Variants in SERGEF observed in about 807,000 individuals in gnomAD.
SERGEF encodes secretion regulating guanine nucleotide exchange factor.
In SERGEF, 51 loss-of-function variants were observed where a neutral mutation model predicts 50.0. The ratio of observed to expected loss-of-function variants is 1.02; its 90% confidence interval spans 0.81 to 1.29. The LOEUF (loss-of-function observed/expected upper bound fraction) is 1.29. Among genes scored for constraint, SERGEF ranks in the 50% most tolerant of loss-of-function variants. The pLI is 0.00. For missense variants in SERGEF, 521 were observed against 557.0 expected, an observed-to-expected ratio of 0.94 and a Z score of 0.65; for synonymous variants, 205 against 212.4, an observed-to-expected ratio of 0.97 and a Z score of 0.30.
chr11:17,994,508 A>AC (rs1853793373), intron 6 of SERGEF, among the ~76,000 whole-genome samples: 1 of 151,264 alleles, frequency 6.6e-6, no homozygotes, highest in Non-Finnish European at 1.5e-5. Context: ...AATTCTTAGA[A>AC]TTTTTCCCAG....
chr11:17,833,524 C>T (rs780698197), intron 10 of SERGEF, among the ~76,000 whole-genome samples: 14 of 152,162 alleles, frequency 9.2e-5, no homozygotes, highest in African/African-American at 1.2e-4. Flanking sequence ...TGTGAGAAGA[C>T]GGCCACCATC....
chr11:17,985,711 G>A (rs1853580679), intron 8 of SERGEF, among the ~76,000 whole-genome samples: 2 of 152,182 alleles, frequency 1.3e-5, no homozygotes, highest in Admixed American at 6.5e-5. Context: ...AAACACTGCA[G>A]GCAGGCATCA....
intron 10 of SERGEF, among the ~76,000 whole-genome samples, chr11:17,799,898 G>T (rs1396841984): frequency 6.6e-6 from 1 of 152,212 alleles, no homozygotes; most frequent in Non-Finnish European, 1.5e-5. Flanking sequence ...CCCAAGTGCT[G>T]GGTTAGAGAG....
At chr11:17,973,068 T>C (rs1049237117) in intron 8 of SERGEF, among the ~76,000 whole-genome samples, 1 of 152,152 alleles carries the variant, frequency 6.6e-6, no homozygotes, top group South Asian at 2.1e-4. Flanking sequence ...TGTTTTCCAC[T>C]GATGACGATG....
intron 10 of SERGEF, among the ~76,000 whole-genome samples, chr11:17,850,053 A>T (rs1044996124): frequency 2.0e-5 from 3 of 152,152 alleles, no homozygotes; most frequent in African/African-American, 7.2e-5. Context: ...TGGTGCTGGT[A>T]TCTAGTGAGG....
chr11:17,807,511 G>C (rs1404098098), intron 10 of SERGEF, among the ~76,000 whole-genome samples: 1 of 152,230 alleles, frequency 6.6e-6, no homozygotes, highest in Non-Finnish European at 1.5e-5. Context: ...GCTCACCCAG[G>C]GGGTAATGCG....
intron 9 of SERGEF, among the ~76,000 whole-genome samples, chr11:17,927,407 T>G (rs1445661140): frequency 1.3e-5 from 2 of 152,220 alleles, no homozygotes; most frequent in Non-Finnish European, 2.9e-5. Context: ...TACCCGATTT[T>G]GGTTCTGTGA....
intron 10 of SERGEF, among the ~76,000 whole-genome samples, chr11:17,840,942 C>G (rs573080594): frequency 6.6e-6 from 1 of 152,182 alleles, no homozygotes; most frequent in African/African-American, 2.4e-5. Context: ...ACACAAATAT[C>G]TCAATCACAG....
chr11:17,818,718 T>C (rs1433060487), intron 10 of SERGEF, among the ~76,000 whole-genome samples: 1 of 152,230 alleles, frequency 6.6e-6, no homozygotes, highest in African/African-American at 2.4e-5. Context: ...GGTCAAACAC[T>C]ATTACTCCTC....
At chr11:17,862,887 G>C (rs1326002899) in intron 10 of SERGEF, among the ~76,000 whole-genome samples, 1 of 152,220 alleles carries the variant, frequency 6.6e-6, no homozygotes, top group Non-Finnish European at 1.5e-5. Flanking sequence ...TAAGACAAAA[G>C]GATGGGGGCT....
At chr11:17,826,558 TACA>T (rs1410003334) in intron 10 of SERGEF, among the ~76,000 whole-genome samples, 1 of 152,198 alleles carries the variant, frequency 6.6e-6, no homozygotes, top group African/African-American at 2.4e-5. Context: ...GTTTAATAGG[TACA>T]ACATTTCAGT....
At chr11:17,818,238 A>G (rs1433263530) in intron 10 of SERGEF, among the ~76,000 whole-genome samples, 3 of 152,060 alleles carry the variant, frequency 2.0e-5, no homozygotes, top group Non-Finnish European at 2.9e-5. Context: ...AGGAACTCAG[A>G]CCTCTGAGCC....
In SERGEF at chr11:18,012,974, CG is replaced by C; in HGVS notation, c.36del (p.Ala13ArgfsTer30). The C allele has an allele frequency of 2.0e-6, 3 of 1,471,916 alleles. No individual in the cohort carries two copies. Among genetic ancestry groups the C allele is most frequent in the African/African-American group, 1.5e-5 (1 of 67,496 alleles). The allele number at this position is 1,471,916 out of a possible 1,614,324, so 91.2% of individuals were successfully genotyped here. On this transcript the variant is annotated frameshift_variant, in exon 1 of 11. Transcript: ENST00000265965. LOFTEE classifies it high-confidence loss of function. ...ACCCAGGCGAAGAGCGCGGCCGCCG[CG>C]GGGGCGGCCTCCGAGGCGCTGGGCT... ...EREPSASEAA[P>X]AAAALFAWGA...
At chr11:17,914,018 T>C (rs1489520027) in intron 9 of SERGEF, among the ~76,000 whole-genome samples, 1 of 152,240 alleles carries the variant, frequency 6.6e-6, no homozygotes, top group Non-Finnish European at 1.5e-5. Context: ...TCCTATAGCC[T>C]GGCATTAAAG....
At chr11:17,982,013 C>G (rs1853505141) in intron 8 of SERGEF, among the ~76,000 whole-genome samples, 1 of 152,016 alleles carries the variant, frequency 6.6e-6, no homozygotes, top group African/African-American at 2.4e-5. Flanking sequence ...CCATACTGCC[C>G]AGGCTGATCT....
chr11:17,789,074 T>C (rs975985356), intron 10 of SERGEF, among the ~76,000 whole-genome samples: 1 of 152,216 alleles, frequency 6.6e-6, no homozygotes, highest in Non-Finnish European at 1.5e-5. Flanking sequence ...AACCCTGGCT[T>C]GTTTTCTGTT....
chr11:17,835,301 G>A (rs1318734796), intron 10 of SERGEF, among the ~76,000 whole-genome samples: 2 of 152,168 alleles, frequency 1.3e-5, no homozygotes, highest in East Asian at 1.9e-4. Flanking sequence ...GGCTGAGGAT[G>A]ACTGTAAGCT....
intron 10 of SERGEF, among the ~76,000 whole-genome samples, chr11:17,788,969 G>A (rs1230489209): frequency 6.6e-6 from 1 of 152,190 alleles, no homozygotes; most frequent in African/African-American, 2.4e-5. Context: ...CCTTAAGGAG[G>A]CCTTCCCTTG....
intron 9 of SERGEF, among the ~76,000 whole-genome samples, chr11:17,914,247 C>T (rs1195345295): frequency 6.6e-6 from 1 of 152,174 alleles, no homozygotes; most frequent in Non-Finnish European, 1.5e-5. Flanking sequence ...CCACCTCATC[C>T]ATGAAGTTTT....
Sources: allele counts gnomAD v4.1 joint callset (sites outside exome capture counted in the v4.1 genomes callset), GRCh38; gene constraint gnomAD v4.1.1; transcripts MANE v1.5; gene names NCBI Gene and HGNC (gene_info 2026-07-23, HGNC 2026-07-21).